The following RAP1GDS1 variants were observed in gnomAD, a reference collection of about 807,000 sequenced individuals.
The protein encoded by RAP1GDS1 is Rap1 GTPase-GDP dissociation stimulator 1.
A neutral mutation model predicts 71.1 loss-of-function variants in RAP1GDS1; 35 were observed. The ratio of observed to expected loss-of-function variants is 0.49; its 90% CI spans 0.38 to 0.65. RAP1GDS1 has a LOEUF of 0.65. Among genes scored for constraint, RAP1GDS1 ranks in the 30% least tolerant of loss-of-function variants. RAP1GDS1 has a pLI of 0.00. For synonymous variants in RAP1GDS1, 229 were observed against 243.1 expected (o/e 0.94, Z 0.54); for missense variants, 663 against 706.1 (o/e 0.94, Z 0.69).
intron 6 of RAP1GDS1, chr4:98,396,780 G>A (rs1744612447): frequency 1.3e-5 from 2 of 152,146 alleles, no homozygotes; most frequent in South Asian, 4.1e-4. Context: ...AACAAGTAAT[G>A]TATTTTTATT....
At chr4:98,320,964 A>G (rs1316300338) in intron 2 of RAP1GDS1, among the ~76,000 whole-genome samples, 1 of 123,186 alleles carries the variant, frequency 8.1e-6, no homozygotes, top group Non-Finnish European at 1.7e-5. Context: ...CAGACGATCA[A>G]ATTACTCTGA....
At chr4:98,391,022 C>T (rs1371995978) in intron 5 of RAP1GDS1, among the ~76,000 whole-genome samples, 2 of 152,092 alleles carry the variant, frequency 1.3e-5, no homozygotes, top group Non-Finnish European at 2.9e-5. Context: ...ATTTCTGTAT[C>T]ATTGGATGAA....
chr4:98,354,374 T>TCTG, intron 4 of RAP1GDS1, among the ~76,000 whole-genome samples: 1 of 152,252 alleles, frequency 6.6e-6, no homozygotes, highest in South Asian at 2.1e-4. Context: ...AAAGTATTCT[T>TCTG]TAAACCTTGT....
rs397994660 is a variant in RAP1GDS1, at chr4:98,443,015, A to ATTTTTTTTTTTTTTTTTTTTTTTTTTTT, written c.*921_*922insTTTTTTTTTTTTTTTTTTTTTTTTTTTT. 9 of 138,306 alleles carry ATTTTTTTTTTTTTTTTTTTTTTTTTTTT rather than the reference A, an allele frequency of 6.5e-5. No individual in the cohort carries two copies. Among genetic ancestry groups the ATTTTTTTTTTTTTTTTTTTTTTTTTTTT allele is most frequent in the Middle Eastern group, 2.5e-3 (1 of 404 alleles). The allele number at this position is 138,306 out of a possible 1,614,324, so 8.6% of individuals were successfully genotyped here. On this transcript the variant is annotated 3_prime_UTR_variant, in exon 15 of 15. Transcript: ENST00000408927. The stretch of plus-strand genomic sequence containing the variant: ...TGAGTATAGTTCATTGAAGAATGGA[A>ATTTTTTTTTTTTTTTTTTTTTTTTTTTT]TTTTTTTTTTTTTTTTTTTTTTTGC...
rs56015226 is a variant in RAP1GDS1 at position 98,269,173 on chromosome 4, CAAAAAA to C, written c.4+7621_4+7626del. ...CAAGAATTTACAGTCAATTGATCTT[CAAAAAA>C]AAAAAAAAAAAAAAAAGCCAAGGAA... On this transcript the variant is annotated intron_variant, in intron 1 of 14. Transcript: ENST00000408927. 3.7e-4 allele frequency among the ~76,000 whole-genome samples: 21 copies of C among 56,876 alleles called. 1 individual carries two copies. Among genetic ancestry groups the C allele is most frequent in the African/African-American group, 1.3e-3 (19 of 14,762 alleles). The allele number at this position is 56,876 out of a possible 152,430, so 37.3% of individuals were successfully genotyped here.
chr4:98,335,033 G>A (rs958129413), intron 2 of RAP1GDS1, among the ~76,000 whole-genome samples: 1 of 151,862 alleles, frequency 6.6e-6, no homozygotes, highest in Non-Finnish European at 1.5e-5. Flanking sequence ...TTGAGCTCTG[G>A]ATTTTCCTCG....
rs949809545 is a variant in RAP1GDS1, at chr4:98,265,322, A to G, written c.4+3753A>G. 2.6e-5 allele frequency among the ~76,000 whole-genome samples: 4 copies of G among 152,328 alleles called. No homozygotes were observed. The South Asian group carries it at 8.3e-4, about 32-fold the overall frequency. On this transcript the variant is annotated intron_variant, in intron 1 of 14. Coordinates refer to ENST00000408927, the MANE Select transcript of RAP1GDS1 (RefSeq NM_001100427.2). ...AGAATCTCCTGATACATATTCAGTT[A>G]ACAGGAAGAGGAAACTTAGATACTC...
At chr4:98,380,993 A>G (rs1410044920) in intron 5 of RAP1GDS1, among the ~76,000 whole-genome samples, 1 of 151,668 alleles carries the variant, frequency 6.6e-6, no homozygotes, top group African/African-American at 2.4e-5. Flanking sequence ...TGAGTCCCAT[A>G]ATATTATAGG....
chr4:98,333,502 C>T (rs1470927215), intron 2 of RAP1GDS1, among the ~76,000 whole-genome samples: 4 of 151,892 alleles, frequency 2.6e-5, no homozygotes, highest in African/African-American at 9.7e-5. Context: ...AAGCTAAGAG[C>T]AAACTTACAA....
In RAP1GDS1 at chr4:98,329,069, T is replaced by A. The variant is rs1239355583; in HGVS notation, c.113-14070T>A. ...CGTATGCACATTCTCAAATATGATA[T>A]TTCAGTCAAAGCCTTGGTAACACAA... is the stretch of plus-strand genomic sequence containing the variant. On this transcript the variant is annotated intron_variant, in intron 2 of 14. Transcript: ENST00000408927. 6.6e-5 allele frequency among the ~76,000 whole-genome samples: 10 copies of A among 152,332 alleles called. No individual in the cohort carries two copies. In the East Asian group the frequency reaches 1.9e-3, roughly 29 times the overall value.
In RAP1GDS1 at chr4:98,443,485, G is replaced by A. The variant is rs557353264; in HGVS notation, c.*1368G>A. 11 of 229,626 alleles carry A rather than the reference G, an allele frequency of 4.8e-5. No individual in the cohort carries two copies. In the South Asian group the frequency reaches 2.0e-3, roughly 42 times the overall value. 14.2% of individuals were successfully genotyped at this position (229,626 alleles called of 1,614,324 possible). A position where few individuals can be genotyped will look rare whatever the true frequency, so the allele number is the denominator to read the frequency against. On this transcript the variant is annotated 3_prime_UTR_variant, in exon 15 of 15. Transcript: ENST00000408927. ...CCACTACTGGCCTAAAAGGCAAGAT[G>A]GGCTTCGATATAGAAGGACTGCAAG...
In RAP1GDS1 at chr4:98,277,497, C is replaced by T. The variant is rs529030855; in HGVS notation, c.5-15911C>T. ...TCCTTTCACTGTCCCCTATATTCTT[C>T]GTCATAACACCAGTATATCTTTGAT... On this transcript the variant is annotated intron_variant, in intron 1 of 14. Coordinates refer to ENST00000408927, the MANE Select transcript of RAP1GDS1 (RefSeq NM_001100427.2). 2.3e-4 allele frequency among the ~76,000 whole-genome samples: 35 copies of T among 152,278 alleles called. No individual in the cohort carries two copies. The East Asian group carries it at 3.5e-3, about 15-fold the overall frequency.
chr4:98,315,042 G>A (rs1730748437), intron 2 of RAP1GDS1, among the ~76,000 whole-genome samples: 1 of 152,166 alleles, frequency 6.6e-6, no homozygotes, highest in Non-Finnish European at 1.5e-5. Context: ...GTTTCAGCTG[G>A]TAGTGCTTTT....
At chr4:98,279,867 T>G (rs1035599459) in intron 1 of RAP1GDS1, among the ~76,000 whole-genome samples, 8 of 152,244 alleles carry the variant, frequency 5.3e-5, no homozygotes, top group Non-Finnish European at 8.8e-5. Flanking sequence ...TGTTTGGTTT[T>G]CTGTCCTTGT....
intron 4 of RAP1GDS1, among the ~76,000 whole-genome samples, chr4:98,371,944 A>T (rs1740443977): frequency 6.6e-6 from 1 of 152,040 alleles, no homozygotes; most frequent in South Asian, 2.1e-4. Context: ...TCTCCCTTTT[A>T]AGTGACATTT....
chr4:98,314,708 A>G (rs997572279), intron 2 of RAP1GDS1, among the ~76,000 whole-genome samples: 1 of 152,204 alleles, frequency 6.6e-6, no homozygotes, highest in African/African-American at 2.4e-5. Flanking sequence ...ATAGATAAGT[A>G]ATATATAAGT....
intron 7 of RAP1GDS1, among the ~76,000 whole-genome samples, chr4:98,415,864 G>C (rs942704957): frequency 1.3e-5 from 2 of 152,074 alleles, no homozygotes; most frequent in African/African-American, 4.8e-5. Context: ...ACTCAAGAAA[G>C]CTTTAAATCA....
chr4:98,417,737 T>C (rs1748225200), intron 9 of RAP1GDS1, among the ~76,000 whole-genome samples: 1 of 152,192 alleles, frequency 6.6e-6, no homozygotes, highest in African/African-American at 2.4e-5. Flanking sequence ...TTTGAATACT[T>C]GGCACTTCAG....
chr4:98,409,755 A>G, intron 7 of RAP1GDS1: 1 of 476,902 alleles, frequency 2.1e-6, no homozygotes, highest in South Asian at 1.7e-5. Flanking sequence ...CTATGAATTC[A>G]TGGCATAATA....
Sources: allele counts gnomAD v4.1 joint callset (sites outside exome capture counted in the v4.1 genomes callset), GRCh38; gene constraint gnomAD v4.1.1; transcripts MANE v1.5; gene names NCBI Gene and HGNC (gene_info 2026-07-23, HGNC 2026-07-21).